Variants in STK32B observed in about 807,000 individuals in gnomAD.
The protein encoded by STK32B is serine/threonine kinase 32B.
In STK32B, 43 loss-of-function variants were observed where a neutral mutation model predicts 52.6. The observed-to-expected ratio is 0.82, with a 90% CI of 0.64 to 1.05. STK32B has a LOEUF of 1.05. Among genes scored for constraint, STK32B ranks in the 50% least tolerant of loss-of-function variants. STK32B has a pLI of 0.00. For missense variants in STK32B, 621 were observed against 534.6 expected (o/e 1.16, Z -1.59); for synonymous variants, 238 against 204.3 (o/e 1.17, Z -1.41).
intron 4 of STK32B, among the ~76,000 whole-genome samples, chr4:5,389,880 C>T (rs1237684933): frequency 6.6e-6 from 1 of 152,186 alleles, no homozygotes; most frequent in Non-Finnish European, 1.5e-5. Context: ...AATCACAAGG[C>T]TCCTGCCAAT....
chr4:5,464,803 C>A (rs1052720406), intron 9 of STK32B, among the ~76,000 whole-genome samples: 1 of 152,122 alleles, frequency 6.6e-6, no homozygotes, highest in African/African-American at 2.4e-5. Flanking sequence ...CCAGAACCTG[C>A]ATTTTTATGA....
intron 11 of STK32B, among the ~76,000 whole-genome samples, chr4:5,477,650 C>T (rs773385675): frequency 6.6e-6 from 1 of 152,220 alleles, no homozygotes; most frequent in Non-Finnish European, 1.5e-5. Context: ...TGCTGCTTCT[C>T]ACTCCACTCC....
At chr4:5,079,080 A>G (rs1402968369) in intron 1 of STK32B, among the ~76,000 whole-genome samples, 1 of 152,196 alleles carries the variant, frequency 6.6e-6, no homozygotes, top group Non-Finnish European at 1.5e-5. Flanking sequence ...AACTTTTTTT[A>G]GTAAGCTTTT....
intron 7 of STK32B, 70 bp downstream of exon 7, chr4:5,446,846 CAG>C (rs1224872280): frequency 1.1e-5 from 17 of 1,505,360 alleles, no homozygotes; most frequent in Non-Finnish European, 1.6e-5. Flanking sequence ...CCTGGACGGG[CAG>C]AGTCGGCAGG....
rs1293263441 is a variant in STK32B at position 5,500,200 on chromosome 4, C to T, written c.*1117C>T. The stretch of plus-strand genomic sequence containing the variant: ...TGGAGTCAGGTTTGTGTTCAGAATC[C>T]AGCCCTGCTGGCTACTAACTAACTG... On this transcript the variant is annotated 3_prime_UTR_variant, in exon 12 of 12. Coordinates refer to ENST00000282908, the MANE Select transcript of STK32B (RefSeq NM_018401.3). 2 of 150,274 alleles carry T rather than the reference C, an allele frequency of 1.3e-5. No individual in the cohort carries two copies. The highest frequency in any genetic ancestry group is 5.0e-5 in the African/African-American group (2 of 39,962). The allele number at this position is 150,274 out of a possible 1,614,324, so 9.3% of individuals were successfully genotyped here.
At chr4:5,316,198 TATATA>T (rs1425022199) in intron 3 of STK32B, among the ~76,000 whole-genome samples, 20 of 96,856 alleles carry the variant, frequency 2.1e-4, no homozygotes, top group Non-Finnish European at 3.3e-4. Context: ...TATATTTAGA[TATATA>T]ATATATATTA....
At chr4:5,242,182 C>T (rs188509121) in intron 3 of STK32B, among the ~76,000 whole-genome samples, 15 of 152,292 alleles carry the variant, frequency 9.8e-5, no homozygotes, top group African/African-American at 3.4e-4. Flanking sequence ...AATTAGTTTA[C>T]AGTCCCACCA....
chr4:5,063,076 T>G (rs965539542), intron 1 of STK32B, among the ~76,000 whole-genome samples: 1 of 152,174 alleles, frequency 6.6e-6, no homozygotes, highest in Non-Finnish European at 1.5e-5. Flanking sequence ...TGTCTCCTGT[T>G]GCATATATAT....
intron 1 of STK32B, among the ~76,000 whole-genome samples, chr4:5,082,999 C>T (rs184144697): frequency 1.7e-4 from 26 of 152,234 alleles, no homozygotes; most frequent in African/African-American, 4.8e-4. Flanking sequence ...TTACAATAAA[C>T]GAACACTTTA....
intron 3 of STK32B, among the ~76,000 whole-genome samples, chr4:5,319,832 C>G (rs1479909232): frequency 6.6e-6 from 1 of 152,152 alleles, no homozygotes; most frequent in South Asian, 2.1e-4. Flanking sequence ...CCCAAAGTCA[C>G]AGGGAGAACT....
chr4:5,310,528 C>A (rs115183614), intron 3 of STK32B, among the ~76,000 whole-genome samples: 1 of 151,838 alleles, frequency 6.6e-6, no homozygotes, highest in Non-Finnish European at 1.5e-5. Flanking sequence ...ATCAAAAAGA[C>A]AAAAATAACA....
Position 5,446,657 on chromosome 4 carries a change from G to C in STK32B, c.563-16G>C. The C allele has an allele frequency of 6.2e-7, 1 of 1,610,532 alleles. No homozygotes were observed. Among genetic ancestry groups the C allele is most frequent in the Non-Finnish European group, 8.5e-7 (1 of 1,177,516 alleles). ...TGGGATACACAATGATGTTCTCCTT[G>C]TCCTCTCGTTGGCAGCTCCAGAAGT... On this transcript the variant is annotated splice_polypyrimidine_tract_variant and intron_variant, in intron 6 of 11. Transcript: ENST00000282908.
chr4:5,273,992 A>T (rs948463156), intron 3 of STK32B, among the ~76,000 whole-genome samples: 9 of 135,130 alleles, frequency 6.7e-5, no homozygotes, highest in Non-Finnish European at 9.4e-5. Context: ...AAAGTATAAT[A>T]AAAAAAAAGA....
rs532882783 is a variant in STK32B, at chr4:5,461,734, T to C, written c.909+1506T>C. Among the ~76,000 whole-genome samples, 5 of 152,318 alleles carry C rather than the reference T, an allele frequency of 3.3e-5. No homozygotes were observed. In the East Asian group the frequency reaches 9.7e-4, roughly 29 times the overall value. The stretch of plus-strand genomic sequence containing the variant: ...GCAGGGCTCCAGACAGGCTATGGAA[T>C]GGCAGGTCGCACAGGGCTTCGTCCT... On this transcript the variant is annotated intron_variant, in intron 9 of 11. Coordinates refer to ENST00000282908, the MANE Select transcript of STK32B (RefSeq NM_018401.3).
At chr4:5,035,235 A>T in the STK32B span, among the ~76,000 whole-genome samples, 1 of 152,224 alleles carries the variant, frequency 6.6e-6, no homozygotes, top group Non-Finnish European at 1.5e-5. Context: ...CCTGTTTCAT[A>T]GTCTGCATGT....
chr4:5,183,565 T>G (rs550952854), intron 3 of STK32B, among the ~76,000 whole-genome samples: 1 of 152,272 alleles, frequency 6.6e-6, no homozygotes, highest in South Asian at 2.1e-4. Context: ...GGCATCTACC[T>G]CCAATACTTG....
At position 5,362,700 on chromosome 4, in the gene STK32B, G is replaced by T. The variant is rs1475603880; in HGVS notation, c.434+31307G>T. 5.9e-5 allele frequency among the ~76,000 whole-genome samples: 9 copies of T among 152,266 alleles called. No individual in the cohort carries two copies. In the East Asian group the frequency reaches 1.7e-3, roughly 29 times the overall value. On this transcript the variant is annotated intron_variant, in intron 4 of 11. Transcript: ENST00000282908. Reference sequence around the variant, plus strand: ...AAAAGCTGGAAAAACAGCAATGGAAGAGATGCATTTCTTCCAGAGGCATAC... The same window carrying T: ...AAAAGCTGGAAAAACAGCAATGGAATAGATGCATTTCTTCCAGAGGCATAC...
In STK32B at chr4:5,310,071, C is replaced by T. The variant is rs567493114; in HGVS notation, c.261-21149C>T. On this transcript the variant is annotated intron_variant, in intron 3 of 11. Transcript: ENST00000282908. ...GTCCCAGCTACTCAGGAGGCTGAGG[C>T]AGGAGAATCGCTTGAACCCAGGAGG... Among the ~76,000 whole-genome samples, 494 of 152,194 alleles carry T rather than the reference C, an allele frequency of 3.2e-3. 4 individuals carry two copies. The highest frequency in any genetic ancestry group is 0.011 in the African/African-American group (472 of 41,516).
At chr4:5,081,145 T>G (rs180971139) in intron 1 of STK32B, among the ~76,000 whole-genome samples, 2 of 152,356 alleles carry the variant, frequency 1.3e-5, no homozygotes, top group East Asian at 3.9e-4. Context: ...TTTTTGTTTT[T>G]TAAAGGCTGA....
Sources: allele counts gnomAD v4.1 joint callset (sites outside exome capture counted in the v4.1 genomes callset), GRCh38; gene constraint gnomAD v4.1.1; transcripts MANE v1.5; gene names NCBI Gene and HGNC (gene_info 2026-07-23, HGNC 2026-07-21).